AXDND1: variants seen among roughly 807,000 people sequenced by gnomAD.
AXDND1 encodes axonemal dynein light chain domain-containing protein 1.
A neutral mutation model predicts 137.5 loss-of-function variants in AXDND1; 110 were observed. The ratio of observed to expected loss-of-function variants is 0.80; its 90% CI spans 0.69 to 0.94. The LOEUF (loss-of-function observed/expected upper bound fraction) is 0.94, where lower values mean the gene tolerates loss of function less well. Ranked by LOEUF, AXDND1 falls within the 40% of genes least tolerant of loss-of-function variation. AXDND1 has a pLI of 0.00. For missense variants in AXDND1, 1,191 were observed against 1,169.8 expected (o/e 1.02, Z -0.26); for synonymous variants, 414 against 399.7 (o/e 1.04, Z -0.43).
chr1:179,541,745 G>T (rs1393449147), intron 25 of AXDND1, among the ~76,000 whole-genome samples: 1 of 151,936 alleles, frequency 6.6e-6, no homozygotes, highest in African/African-American at 2.4e-5. Context: ...TCACACGTGA[G>T]AATCTTAATA....
chr1:179,416,673 T>A (rs775617011), intron 12 of AXDND1, among the ~76,000 whole-genome samples: 8 of 152,354 alleles, frequency 5.3e-5, no homozygotes, highest in Non-Finnish European at 1.0e-4. Context: ...AACCTTGATG[T>A]TATCACATAA....
At chr1:179,499,086 C>A (rs1306857319) in intron 20 of AXDND1, among the ~76,000 whole-genome samples, 1 of 152,068 alleles carries the variant, frequency 6.6e-6, no homozygotes, top group African/African-American at 2.4e-5. Context: ...TGTCTACATA[C>A]CAAAAGAAAA....
At chr1:179,401,248 A>G (rs963832947) in intron 11 of AXDND1, among the ~76,000 whole-genome samples, 1 of 125,968 alleles carries the variant, frequency 7.9e-6, no homozygotes, top group African/African-American at 2.8e-5. Context: ...ACAAGAACAA[A>G]ACTCCATCTC....
intron 10 of AXDND1, among the ~76,000 whole-genome samples, chr1:179,394,663 G>C (rs1202767525): frequency 1.4e-5 from 2 of 145,876 alleles, no homozygotes; most frequent in African/African-American, 2.6e-5. Flanking sequence ...AATTATGGAT[G>C]TTAACATTAT....
chr1:179,411,571 A>G (rs1277252852), intron 12 of AXDND1, among the ~76,000 whole-genome samples: 3 of 152,106 alleles, frequency 2.0e-5, no homozygotes, highest in Non-Finnish European at 2.9e-5. Flanking sequence ...ATATTTATTG[A>G]TGTATAATGT....
intron 11 of AXDND1, among the ~76,000 whole-genome samples, chr1:179,395,492 A>C (rs965971111): frequency 2.6e-5 from 4 of 152,214 alleles, no homozygotes; most frequent in African/African-American, 9.6e-5. Context: ...AACAGTGAGC[A>C]TAGATAACAT....
At chr1:179,411,439 G>C (rs1653861303) in intron 12 of AXDND1, among the ~76,000 whole-genome samples, 173 bp downstream of exon 12, 1 of 152,040 alleles carries the variant, frequency 6.6e-6, no homozygotes. Flanking sequence ...CTGACTCTTG[G>C]GTTCAAGCAA....
At chr1:179,485,653 C>A (rs1452076321) in intron 18 of AXDND1, among the ~76,000 whole-genome samples, 1 of 152,246 alleles carries the variant, frequency 6.6e-6, no homozygotes, top group South Asian at 2.1e-4. Flanking sequence ...CACCTCCAAA[C>A]GACCACACTG....
At chr1:179,478,374 G>A (rs1433424791) in intron 17 of AXDND1, among the ~76,000 whole-genome samples, 2 of 152,240 alleles carry the variant, frequency 1.3e-5, no homozygotes, top group African/African-American at 2.4e-5. Flanking sequence ...ATACATCCTT[G>A]AAATCTAGGC....
intron 15 of AXDND1, among the ~76,000 whole-genome samples, chr1:179,436,879 C>T (rs1434276046): frequency 6.6e-6 from 1 of 151,244 alleles, no homozygotes; most frequent in African/African-American, 2.4e-5. Context: ...CTATGTTGAA[C>T]ACAAAAAGCT....
rs189178020 is a variant in AXDND1, at chr1:179,506,718, A to G, written c.2389-2578A>G. On this transcript the variant is annotated intron_variant, in intron 20 of 25. Coordinates refer to ENST00000367618, the MANE Select transcript of AXDND1 (RefSeq NM_144696.6). ...GCACTCTAGCCTGGGCGACAGAGTAAGACTCTGTGTCAAAAAAACAAAACA... is the reference window on the plus strand; with the variant it reads ...GCACTCTAGCCTGGGCGACAGAGTAGGACTCTGTGTCAAAAAAACAAAACA... 1.4e-3 allele frequency: 384 copies of G among 277,492 alleles called. 2 individuals are homozygous for G. The highest frequency in any genetic ancestry group is 1.3e-3 in the Admixed American group (20 of 15,456). 17.2% of individuals were successfully genotyped at this position (277,492 alleles called of 1,614,324 possible).
intron 21 of AXDND1, among the ~76,000 whole-genome samples, chr1:179,513,367 T>C (rs183004958): frequency 1.5e-4 from 23 of 152,344 alleles, no homozygotes; most frequent in Middle Eastern, 6.8e-3. Flanking sequence ...GTATCACATT[T>C]ATTGACTTGT....
At chr1:179,511,440 C>T (rs1430589212) in intron 21 of AXDND1, among the ~76,000 whole-genome samples, 1 of 149,574 alleles carries the variant, frequency 6.7e-6, no homozygotes, top group African/African-American at 2.5e-5. Context: ...ATATACACCA[C>T]AGATTTTTAT....
Position 179,379,493 on chromosome 1 carries a change from T to C in AXDND1, c.581+11T>C. On this transcript the variant is annotated intron_variant, in intron 6 of 25. Coordinates refer to ENST00000367618, the MANE Select transcript of AXDND1 (RefSeq NM_144696.6). ...GGAGTGTTATGATGAGTGAGTACTATGATATGTAAAAAATACCTGCCCCAG... is the reference window on the plus strand; with the variant it reads ...GGAGTGTTATGATGAGTGAGTACTACGATATGTAAAAAATACCTGCCCCAG... 1 of 1,607,394 alleles carries C rather than the reference T, an allele frequency of 6.2e-7. No individual in the cohort carries two copies. Among genetic ancestry groups the C allele is most frequent in the Non-Finnish European group, 8.5e-7 (1 of 1,177,540 alleles).
rs533094960 is a variant in AXDND1 at position 179,483,139 on chromosome 1, C to T, written c.2009C>T (p.Ala670Val). 7.5e-4 allele frequency: 1,199 copies of T among 1,597,510 alleles called. 13 individuals are homozygous for T. In the South Asian group the frequency reaches 0.012, roughly 17 times the overall value. ...IDVDSVSVLQ[A>V]YIFNMIQQWL... Reference sequence around the variant, plus strand: ...GATTTTTCCTTCAGGGTACTCCAAGCGTATATATTTAACATGATTCAACAA... The same window carrying T: ...GATTTTTCCTTCAGGGTACTCCAAGTGTATATATTTAACATGATTCAACAA... Residue 670 changes from alanine (A) to valine (V), a missense_variant, in exon 18 of 26, where the codon GCG (alanine) becomes GTG (valine). Ala to Val is a moderately conservative substitution (Grantham distance 64, BLOSUM62 0). Transcript: ENST00000367618.
intron 12 of AXDND1, among the ~76,000 whole-genome samples, chr1:179,425,094 T>G (rs1656356172): frequency 6.6e-6 from 1 of 152,218 alleles, no homozygotes; most frequent in Non-Finnish European, 1.5e-5. Flanking sequence ...TTGTTTCTTA[T>G]GAATGTATGT....
chr1:179,437,962 A>C (rs1658408045), intron 15 of AXDND1, among the ~76,000 whole-genome samples: 1 of 151,948 alleles, frequency 6.6e-6, no homozygotes, highest in Non-Finnish European at 1.5e-5. Flanking sequence ...GACCAGCCTG[A>C]CCAGTATGGT....
intron 18 of AXDND1, among the ~76,000 whole-genome samples, chr1:179,489,963 C>G (rs1157790863): frequency 2.6e-5 from 4 of 152,084 alleles, no homozygotes; most frequent in Non-Finnish European, 4.4e-5. Context: ...GCAGGATGGT[C>G]TCGATTTCCT....
chr1:179,498,816 A>G (rs1034229899), intron 20 of AXDND1, among the ~76,000 whole-genome samples: 4 of 152,138 alleles, frequency 2.6e-5, no homozygotes, highest in South Asian at 2.1e-4. Context: ...GCCAACAAAC[A>G]TATGAAAAAA....
Sources: allele counts gnomAD v4.1 joint callset (sites outside exome capture counted in the v4.1 genomes callset), GRCh38; gene constraint gnomAD v4.1.1; transcripts MANE v1.5; gene names NCBI Gene and HGNC (gene_info 2026-07-23, HGNC 2026-07-21).